WASF2: variants seen among roughly 807,000 people sequenced by gnomAD.
WASF2 encodes the protein actin-binding protein WASF2.
WASF2 carries 14 observed loss-of-function variants against 45.0 expected under a neutral mutation model. The observed-to-expected ratio is 0.31, with a 90% confidence interval of 0.21 to 0.49. The LOEUF (loss-of-function observed/expected upper bound fraction) is 0.49, where lower values mean the gene tolerates loss of function less well. WASF2 is among the 20% of genes least tolerant of loss of function. The pLI is 0.99. For missense variants in WASF2, 439 were observed against 636.1 expected (o/e 0.69, Z 3.33); for synonymous variants, 200 against 236.3 (o/e 0.85, Z 1.41).
At chr1:27,442,948 G>A (rs1443232216) in intron 1 of WASF2, among the ~76,000 whole-genome samples, 2 of 137,660 alleles carry the variant, frequency 1.5e-5, no homozygotes, top group Non-Finnish European at 3.0e-5. Flanking sequence ...CCAAAACTGC[G>A]CCACTGCCCT....
intron 1 of WASF2, among the ~76,000 whole-genome samples, chr1:27,445,478 A>T (rs2017298513): frequency 6.6e-6 from 1 of 152,090 alleles, no homozygotes; most frequent in Non-Finnish European, 1.5e-5. Context: ...ATCAAATTCC[A>T]GACTAGTTTA....
At position 27,406,403 on chromosome 1, in the gene WASF2, G is replaced by C. The variant is rs1366927838; in HGVS notation, c.*1786C>G. On this transcript the variant is annotated 3_prime_UTR_variant, in exon 9 of 9. Transcript: ENST00000618852. ...CCACACCCTGAGTTCCAGGAAAGAA[G>C]GCAGAGGAGAAGCGGCCAGCAAGGG... 1 of 153,068 alleles carries C rather than the reference G, an allele frequency of 6.5e-6. No individual in the cohort carries two copies. Among genetic ancestry groups the C allele is most frequent in the Non-Finnish European group, 1.5e-5 (1 of 68,506 alleles). The allele number at this position is 153,068 out of a possible 1,614,324, so 9.5% of individuals were successfully genotyped here. A position where few individuals can be genotyped will look rare whatever the true frequency, so the allele number is the denominator to read the frequency against.
At chr1:27,454,729 A>G (rs1219177442) in intron 1 of WASF2, among the ~76,000 whole-genome samples, 1 of 152,032 alleles carries the variant, frequency 6.6e-6, no homozygotes, top group Non-Finnish European at 1.5e-5. Context: ...TAACGTATAT[A>G]CCCTTCTGCA....
In WASF2 at chr1:27,480,780, C is replaced by T. The variant is rs568336781; in HGVS notation, c.-44+9206G>A. Among the ~76,000 whole-genome samples, 5 of 151,948 alleles carry T rather than the reference C, an allele frequency of 3.3e-5. No individual in the cohort carries two copies. The South Asian group carries it at 1.0e-3, about 32-fold the overall frequency. ...CTGTAATCCCAGCACTTTGGGAGGC[C>T]GAGGCGGGTGGAGGTCAGGAGATCG... is the stretch of plus-strand genomic sequence containing the variant. On this transcript the variant is annotated intron_variant, in intron 1 of 8. Transcript: ENST00000618852.
intron 1 of WASF2, among the ~76,000 whole-genome samples, chr1:27,441,216 G>A (rs1178811267): frequency 1.3e-5 from 2 of 152,104 alleles, no homozygotes; most frequent in Non-Finnish European, 2.9e-5. Flanking sequence ...TTACTGGCTG[G>A]GAGTGGTGGC....
chr1:27,447,489 T>C (rs886577190), intron 1 of WASF2, among the ~76,000 whole-genome samples: 16 of 152,242 alleles, frequency 1.1e-4, no homozygotes, highest in Non-Finnish European at 2.1e-4. Flanking sequence ...CTGTGATTAA[T>C]TCCTTTGGTT....
chr1:27,412,456 C>G (rs889989897), intron 7 of WASF2, 116 bp downstream of exon 7: 1 of 1,401,142 alleles, frequency 7.1e-7, no homozygotes, highest in African/African-American at 1.4e-5. Flanking sequence ...GATCCTCCCA[C>G]CACCTTGGCC....
At chr1:27,429,001 C>CT (rs201541202) in intron 1 of WASF2, 68 bp from the exon 2 acceptor site, 38,241 of 717,388 alleles carry the variant, frequency 0.053, 301 homozygotes, top group African/African-American at 0.075. Flanking sequence ...CTGTGTGAAT[C>CT]TTTTTTTTTT....
At chr1:27,425,117 A>T (rs1414535567) in intron 2 of WASF2, among the ~76,000 whole-genome samples, 4 of 152,078 alleles carry the variant, frequency 2.6e-5, no homozygotes, top group Non-Finnish European at 5.9e-5. Context: ...ATTTGAGACA[A>T]GGTCTCGCCC....
At chr1:27,461,490 T>G (rs2017543252) in intron 1 of WASF2, among the ~76,000 whole-genome samples, 1 of 146,902 alleles carries the variant, frequency 6.8e-6, no homozygotes, top group Non-Finnish European at 1.5e-5. Context: ...AGACGGAGTC[T>G]CGCTCTGTCT....
intron 8 of WASF2, among the ~76,000 whole-genome samples, chr1:27,409,172 C>T (rs1195773663): frequency 1.3e-5 from 2 of 151,796 alleles, no homozygotes; most frequent in Non-Finnish European, 2.9e-5. Context: ...CGCCTGTAAT[C>T]CCAGCACTTT....
At chr1:27,483,834 T>C (rs1194341065) in intron 1 of WASF2, among the ~76,000 whole-genome samples, 1 of 151,634 alleles carries the variant, frequency 6.6e-6, no homozygotes, top group African/African-American at 2.4e-5. Context: ...TCACATGTAG[T>C]CCCAGCTATT....
intron 1 of WASF2, among the ~76,000 whole-genome samples, chr1:27,461,110 C>A (rs2017538256): frequency 6.6e-6 from 1 of 152,118 alleles, no homozygotes; most frequent in South Asian, 2.1e-4. Context: ...CACGCCACTG[C>A]ACTCCAGCCT....
chr1:27,487,612 T>TTATATATATTTTATATAATATATAA, intron 1 of WASF2, among the ~76,000 whole-genome samples: 2 of 98,558 alleles, frequency 2.0e-5, no homozygotes, highest in African/African-American at 8.4e-5. Context: ...ATAATATATA[T>TTATATATATTTTATATAATATATAA]TATATATATT....
Position 27,410,257 on chromosome 1 carries a change from C to T in WASF2, c.825-51G>A. The T allele has an allele frequency of 6.2e-7, 1 of 1,604,302 alleles. No individual in the cohort carries two copies. The highest frequency in any genetic ancestry group is 1.7e-5 in the Admixed American group (1 of 59,242). On this transcript the variant is annotated intron_variant, in intron 7 of 8. Transcript: ENST00000618852. The surrounding 1 kb of genome is among the most constrained non-coding windows in gnomAD (Gnocchi z 4.2). ...CACCATCACCCTTAGAATGCAGACA[C>T]CTATCTACAGTTAGCCTTGTCTACA...
At position 27,471,294 on chromosome 1, in the gene WASF2, G is replaced by C. The variant is rs948417067; in HGVS notation, c.-44+18692C>G. Among the ~76,000 whole-genome samples the C allele has an allele frequency of 1.1e-3, 155 of 144,380 alleles. 4 individuals are homozygous for C. In the East Asian group the frequency reaches 0.026, roughly 24 times the overall value. The allele number at this position is 144,380 out of a possible 152,430, so 94.7% of individuals were successfully genotyped here. ...CGGGAGGCGGAGCTTGCAGTGAGCC[G>C]AGATCCCGCCACTGCACTCCAGCCT... On this transcript the variant is annotated intron_variant, in intron 1 of 8. Transcript: ENST00000618852.
At chr1:27,425,071 A>T (rs1013037125) in intron 2 of WASF2, among the ~76,000 whole-genome samples, 1 of 152,190 alleles carries the variant, frequency 6.6e-6, no homozygotes, top group African/African-American at 2.4e-5. Flanking sequence ...CTGATAATTC[A>T]TTCTTTTTTG....
intron 6 of WASF2, among the ~76,000 whole-genome samples, chr1:27,413,301 C>A (rs867007335): frequency 6.6e-6 from 1 of 152,172 alleles, no homozygotes; most frequent in Non-Finnish European, 1.5e-5. Flanking sequence ...ATTAAAGTAG[C>A]GTGCTAGGGC....
intron 1 of WASF2, among the ~76,000 whole-genome samples, chr1:27,482,890 C>T (rs2017871596): frequency 6.6e-6 from 1 of 152,070 alleles, no homozygotes; most frequent in Non-Finnish European, 1.5e-5. Context: ...AAATCTATCC[C>T]CCCAGGATAA....
Sources: gnomAD v4.1 joint callset for allele counts (sites outside exome capture counted in the v4.1 genomes callset) on GRCh38, gnomAD v4.1.1 for gene constraint, Gnocchi (gnomAD v3.1) non-coding constraint, MANE v1.5 for transcripts, NCBI Gene and HGNC (gene_info 2026-07-23, HGNC 2026-07-21) for gene names.